ANK2: variants seen among roughly 807,000 people sequenced by gnomAD.
The protein encoded by ANK2 is ankyrin 2, also known as ankyrin-2.
ANK2 carries 83 observed loss-of-function variants against 360.5 expected under a neutral mutation model. The observed-to-expected ratio is 0.23, with a 90% CI of 0.19 to 0.28. ANK2 has a LOEUF of 0.28. ANK2 is among the 10% of genes least tolerant of loss of function. ANK2 has a pLI of 1.00. For synonymous variants in ANK2, 1,740 were observed against 1,759.5 expected, an observed-to-expected ratio of 0.99 and a Z score of 0.28; for missense variants, 4,201 against 4,795.7, an observed-to-expected ratio of 0.88 and a Z score of 3.66.
intron 1 of ANK2, among the ~76,000 whole-genome samples, chr4:113,099,359 C>A (rs926496680): frequency 2.0e-5 from 3 of 151,700 alleles, no homozygotes; most frequent in African/African-American, 7.3e-5. Flanking sequence ...TTCCTATATA[C>A]CATCAATGAG....
At chr4:112,859,167 T>C (rs2067212525) in intron 1 of ANK2, among the ~76,000 whole-genome samples, 1 of 151,780 alleles carries the variant, frequency 6.6e-6, no homozygotes, top group Non-Finnish European at 1.5e-5. Flanking sequence ...AAAACCAGTG[T>C]ATATAACCAA....
chr4:112,903,046 C>T (rs2083960900), intron 1 of ANK2, among the ~76,000 whole-genome samples: 1 of 152,150 alleles, frequency 6.6e-6, no homozygotes, highest in Non-Finnish European at 1.5e-5. Context: ...GAGTGAAAAC[C>T]CTCTGGACAA....
rs762027070 is a variant in ANK2, at chr4:113,354,452, C to T, written c.5834C>T (p.Thr1945Met). ...TTGCCTGTTTCACCCTCCGGAAGAA[C>T]GGACAAGCACCAACCTGTATCAACA... ...KRLPVSPSGRTDKHQPVSTAG... is the reference protein window; with the variant it reads ...KRLPVSPSGRMDKHQPVSTAG... Residue 1945 changes from threonine (T) to methionine (M), a missense_variant, in exon 38 of 46, where the codon ACG (threonine) becomes ATG (methionine). Transcript: ENST00000357077. The T allele has an allele frequency of 5.6e-6, 9 of 1,614,002 alleles. No individual in the cohort carries two copies. Among genetic ancestry groups the T allele is most frequent in the East Asian group, 2.2e-5 (1 of 44,878 alleles).
rs769288307 is a variant in ANK2, at chr4:113,264,842, T to C, written c.1387-55T>C. On this transcript the variant is annotated intron_variant, in intron 13 of 45. Coordinates refer to ENST00000357077, the MANE Select transcript of ANK2 (RefSeq NM_001148.6). ...CACAAAAAGGGACAACTTTATTCTTTACCATCCAGAGCGGTGGGTTAATTT... is the reference window on the plus strand; with the variant it reads ...CACAAAAAGGGACAACTTTATTCTTCACCATCCAGAGCGGTGGGTTAATTT... 24 of 1,521,550 alleles carry C rather than the reference T, an allele frequency of 1.6e-5. No homozygotes were observed. In the Admixed American group the frequency reaches 4.7e-4, roughly 30 times the overall value. 94.3% of individuals were successfully genotyped at this position (1,521,550 alleles called of 1,614,324 possible).
the ANK2 span, among the ~76,000 whole-genome samples, chr4:112,761,422 C>T: frequency 6.6e-6 from 1 of 152,022 alleles, no homozygotes; most frequent in Admixed American, 6.6e-5. Context: ...AGATCGAGAC[C>T]ATCCTGGCTA....
At chr4:113,202,192 T>A (rs901340936) in intron 4 of ANK2, among the ~76,000 whole-genome samples, 7 of 152,200 alleles carry the variant, frequency 4.6e-5, no homozygotes, top group African/African-American at 1.7e-4. Context: ...TTAAAATACA[T>A]GAGGGTTGAT....
chr4:113,113,041 T>C (rs956810566), intron 1 of ANK2, among the ~76,000 whole-genome samples: 3 of 152,186 alleles, frequency 2.0e-5, no homozygotes, highest in Non-Finnish European at 4.4e-5. Context: ...TTGGACTCAC[T>C]TACTCAGTTT....
chr4:113,053,603 A>G (rs1351678369), intron 1 of ANK2, among the ~76,000 whole-genome samples: 1 of 152,052 alleles, frequency 6.6e-6, no homozygotes, highest in Non-Finnish European at 1.5e-5. Context: ...AAAGATTTTT[A>G]TATTTTTTGA....
At chr4:112,753,062 G>C in the ANK2 span, among the ~76,000 whole-genome samples, 1 of 152,132 alleles carries the variant, frequency 6.6e-6, no homozygotes, top group Non-Finnish European at 1.5e-5. Flanking sequence ...CAATAAGTCT[G>C]GTCTCTCCCT....
At chr4:113,201,766 T>G (rs955504801) in intron 4 of ANK2, among the ~76,000 whole-genome samples, 1 of 152,248 alleles carries the variant, frequency 6.6e-6, no homozygotes, top group Non-Finnish European at 1.5e-5. Flanking sequence ...ATGTATATGC[T>G]TTGGAGGCTT....
intron 13 of ANK2, among the ~76,000 whole-genome samples, chr4:113,260,207 C>A (rs1421995936): frequency 6.6e-6 from 1 of 152,076 alleles, no homozygotes; most frequent in Non-Finnish European, 1.5e-5. Flanking sequence ...CTGACCAATT[C>A]CAAATCTTCA....
intron 1 of ANK2, among the ~76,000 whole-genome samples, chr4:113,161,779 C>G (rs1411348662): frequency 6.6e-6 from 1 of 151,482 alleles, no homozygotes; most frequent in African/African-American, 2.4e-5. Context: ...TTCTCACTGC[C>G]TGGTATTTCA....
intron 1 of ANK2, among the ~76,000 whole-genome samples, chr4:113,086,208 TG>T (rs761339760): frequency 1.2e-4 from 18 of 152,218 alleles, no homozygotes; most frequent in Non-Finnish European, 2.6e-4. Flanking sequence ...GACTACACTT[TG>T]CCTGCCTTTT....
chr4:113,223,328 C>A (rs528564714), intron 4 of ANK2, among the ~76,000 whole-genome samples: 1 of 152,130 alleles, frequency 6.6e-6, no homozygotes, highest in Non-Finnish European at 1.5e-5. Flanking sequence ...TGACGTTGAC[C>A]TGCCTGCAAA....
chr4:113,148,147 TA>T (rs1330345345), intron 1 of ANK2, among the ~76,000 whole-genome samples: 3 of 152,206 alleles, frequency 2.0e-5, no homozygotes, highest in Non-Finnish European at 2.9e-5. Context: ...CATGTTTTGA[TA>T]AAGTGCTATT....
chr4:113,264,855 G>C (rs758527771), intron 13 of ANK2, 42 bp from the exon 14 acceptor site: 5 of 1,536,528 alleles, frequency 3.3e-6, no homozygotes, highest in Non-Finnish European at 4.4e-6. Flanking sequence ...CATCCAGAGC[G>C]GTGGGTTAAT....
chr4:113,198,949 C>G (rs1468343614), intron 3 of ANK2, 62 bp from the exon 4 acceptor site: 5 of 1,381,096 alleles, frequency 3.6e-6, no homozygotes, highest in Non-Finnish European at 5.2e-6. Flanking sequence ...AATGCCTGCA[C>G]ATTTTGATTT....
At chr4:112,906,070 A>G (rs1171394441) in intron 2 of ANK2, among the ~76,000 whole-genome samples, 2 of 152,210 alleles carry the variant, frequency 1.3e-5, no homozygotes, top group Admixed American at 1.3e-4. Context: ...ACTTCCAGGT[A>G]TAAAAGCTAA....
rs188282049 is a variant in ANK2, at chr4:113,357,790, C to T, written c.9172C>T (p.Arg3058Cys). 1.5e-5 allele frequency: 24 copies of T among 1,613,866 alleles called. No homozygotes were observed. The African/African-American group carries it at 1.6e-4, about 11-fold the overall frequency. The part of the protein sequence containing the change: ...IREDDEAFEA[R>C]VKEEEQKIFG... ...GGAAGACGATGAAGCCTTTGAGGCT[C>T]GTGTGAAAGAGGAAGAACAAAAGAT... The change falls in exon 38 of 46, where the codon CGT becomes TGT. Residue 3058 changes from arginine to cysteine, a missense_variant. Physicochemically the swap from Arg to Cys is radical, Grantham distance 180. Coordinates refer to ENST00000357077, the MANE Select transcript of ANK2 (RefSeq NM_001148.6).
Sources: allele counts gnomAD v4.1 joint callset (sites outside exome capture counted in the v4.1 genomes callset), GRCh38; gene constraint gnomAD v4.1.1; transcripts MANE v1.5; gene names NCBI Gene and HGNC (gene_info 2026-07-23, HGNC 2026-07-21).